The following SLC24A3 variants were observed in gnomAD, a reference collection of about 807,000 sequenced individuals.
SLC24A3 encodes sodium/potassium/calcium exchanger 3.
Under a neutral mutation model 75.8 loss-of-function variants are expected in SLC24A3, and 28 were observed. The ratio of observed to expected loss-of-function variants is 0.37; its 90% CI spans 0.27 to 0.51. The LOEUF is 0.51. Among genes scored for constraint, SLC24A3 ranks in the 20% least tolerant of loss-of-function variants. SLC24A3 has a pLI of 0.94. For missense variants in SLC24A3, 663 were observed against 847.8 expected (o/e 0.78, Z 2.71); for synonymous variants, 372 against 334.1 (o/e 1.11, Z -1.24).
At chr20:19,374,619 T>C (rs954600437) in intron 2 of SLC24A3, among the ~76,000 whole-genome samples, 2 of 152,334 alleles carry the variant, frequency 1.3e-5, no homozygotes, top group Admixed American at 1.3e-4. Flanking sequence ...CCTGACTTGA[T>C]TCTCACCCCA....
intron 1 of SLC24A3, among the ~76,000 whole-genome samples, chr20:19,217,488 T>C (rs1386336792): frequency 1.3e-5 from 2 of 152,220 alleles, no homozygotes; most frequent in African/African-American, 4.8e-5. Context: ...TTGAAATATC[T>C]TCCATTCATG....
intron 6 of SLC24A3, among the ~76,000 whole-genome samples, chr20:19,637,578 T>G (rs746188196): frequency 1.4e-4 from 22 of 152,220 alleles, no homozygotes; most frequent in Non-Finnish European, 2.2e-4. Flanking sequence ...GTGAGCAATA[T>G]TCGCGTACTG....
In SLC24A3 at chr20:19,489,828, C is replaced by CA. The variant is rs144016273; in HGVS notation, c.272-25659dup. Among the ~76,000 whole-genome samples, 751 of 152,264 alleles carry CA rather than the reference C, an allele frequency of 4.9e-3. 3 individuals are homozygous for CA. The highest frequency in any genetic ancestry group is 0.024 in the Middle Eastern group (7 of 294). ...CACGTGGCCTTTTTAGTTGATGGCCCATATATTAACCTATGGTGGGTGCCT... is the reference window on the plus strand; with the variant it reads ...CACGTGGCCTTTTTAGTTGATGGCCCAATATATTAACCTATGGTGGGTGCCT... On this transcript the variant is annotated intron_variant, in intron 2 of 16. Coordinates refer to ENST00000328041, the MANE Select transcript of SLC24A3 (RefSeq NM_020689.4).
rs180729621 is a variant in SLC24A3 at position 19,558,662 on chromosome 20, T to G, written c.349-21338T>G. On this transcript the variant is annotated intron_variant, in intron 3 of 16. Transcript: ENST00000328041. ...TCTCTTTCCTCATGATTTTGTTGAGTTTATAGATTTTCAGCAGGAATACCA... is the reference window on the plus strand; with the variant it reads ...TCTCTTTCCTCATGATTTTGTTGAGGTTATAGATTTTCAGCAGGAATACCA... Among the ~76,000 whole-genome samples the G allele has an allele frequency of 4.7e-4, 71 of 152,150 alleles. No individual in the cohort carries two copies. In the Middle Eastern group the frequency reaches 0.01, roughly 22 times the overall value.
intron 15 of SLC24A3, among the ~76,000 whole-genome samples, chr20:19,712,151 A>G (rs552770765): frequency 6.6e-6 from 1 of 151,970 alleles, no homozygotes; most frequent in Non-Finnish European, 1.5e-5. Flanking sequence ...AGGTCTCACT[A>G]TGTTGCCCAG....
intron 2 of SLC24A3, among the ~76,000 whole-genome samples, chr20:19,422,914 A>G (rs555160830): frequency 6.6e-5 from 10 of 152,360 alleles, no homozygotes; most frequent in African/African-American, 9.6e-5. Context: ...AGAGTTACAC[A>G]TAAGTGTAAT....
At chr20:19,276,218 G>A (rs1983482492) in intron 1 of SLC24A3, among the ~76,000 whole-genome samples, 1 of 152,064 alleles carries the variant, frequency 6.6e-6, no homozygotes, top group Admixed American at 6.6e-5. Context: ...AGCCCTCCAT[G>A]TCATAATTTG....
At chr20:19,295,978 G>C (rs1984050691) in intron 2 of SLC24A3, among the ~76,000 whole-genome samples, 1 of 152,070 alleles carries the variant, frequency 6.6e-6, no homozygotes. Flanking sequence ...CTATAAATCT[G>C]TCTGGTCCTG....
chr20:19,489,045 T>C (rs1988168971), intron 2 of SLC24A3, among the ~76,000 whole-genome samples: 1 of 152,248 alleles, frequency 6.6e-6, no homozygotes, highest in Non-Finnish European at 1.5e-5. Flanking sequence ...GCATACGTCT[T>C]CTTTGCTTTT....
intron 2 of SLC24A3, among the ~76,000 whole-genome samples, chr20:19,511,248 C>T (rs1440768405): frequency 1.3e-5 from 2 of 152,104 alleles, no homozygotes; most frequent in African/African-American, 4.8e-5. Flanking sequence ...CTCTTGAGGG[C>T]CCCAGCCTAA....
intron 1 of SLC24A3, among the ~76,000 whole-genome samples, chr20:19,221,036 C>T: frequency 6.6e-6 from 1 of 152,192 alleles, no homozygotes; most frequent in East Asian, 1.9e-4. Context: ...CTAATTTAAA[C>T]TTAAACTTCT....
intron 2 of SLC24A3, among the ~76,000 whole-genome samples, chr20:19,290,363 T>A (rs1228323825): frequency 6.6e-6 from 1 of 152,118 alleles, no homozygotes; most frequent in African/African-American, 2.4e-5. Flanking sequence ...CAGTATTCAT[T>A]TGTTGAAATT....
At chr20:19,416,923 G>A (rs1318690471) in intron 2 of SLC24A3, among the ~76,000 whole-genome samples, 2 of 152,182 alleles carry the variant, frequency 1.3e-5, no homozygotes, top group South Asian at 4.1e-4. Context: ...GGTACTGTGG[G>A]AGCACAGAAG....
intron 10 of SLC24A3, among the ~76,000 whole-genome samples, 195 bp from the exon 11 acceptor site, chr20:19,683,978 AAAG>A (rs2032643148): frequency 3.9e-5 from 6 of 152,082 alleles, no homozygotes; most frequent in Admixed American, 3.9e-4. Context: ...GGATGGATGG[AAAG>A]AAGAATGAAT....
chr20:19,711,236 C>G (rs1450488421), intron 15 of SLC24A3, among the ~76,000 whole-genome samples: 1 of 151,828 alleles, frequency 6.6e-6, no homozygotes, highest in African/African-American at 2.4e-5. Context: ...CATGCAGACA[C>G]ACGCAGGCAA....
chr20:19,216,492 C>G (rs990897715), intron 1 of SLC24A3, among the ~76,000 whole-genome samples: 2 of 152,008 alleles, frequency 1.3e-5, no homozygotes. Flanking sequence ...TTCCTGTAAT[C>G]CCAGCTACTC....
intron 6 of SLC24A3, among the ~76,000 whole-genome samples, chr20:19,586,046 C>T (rs1337359512): frequency 1.3e-5 from 2 of 152,062 alleles, no homozygotes; most frequent in Non-Finnish European, 2.9e-5. Flanking sequence ...TATAACGTGC[C>T]TTTGGGGTTA....
intron 3 of SLC24A3, among the ~76,000 whole-genome samples, chr20:19,536,439 G>A (rs1371305725): frequency 6.6e-6 from 1 of 152,070 alleles, no homozygotes; most frequent in African/African-American, 2.4e-5. Context: ...AGTGGGGGTA[G>A]GCCATACTGC....
intron 2 of SLC24A3, among the ~76,000 whole-genome samples, chr20:19,335,503 G>A (rs1296398491): frequency 1.3e-5 from 2 of 152,208 alleles, no homozygotes; most frequent in Non-Finnish European, 2.9e-5. Flanking sequence ...ATTCATTCCT[G>A]TAGGACTGCC....
Sources: allele counts gnomAD v4.1 joint callset (sites outside exome capture counted in the v4.1 genomes callset), GRCh38; gene constraint gnomAD v4.1.1; transcripts MANE v1.5; gene names NCBI Gene and HGNC (gene_info 2026-07-23, HGNC 2026-07-21).